ZNF804B: variants seen among roughly 807,000 people sequenced by gnomAD.
ZNF804B encodes the protein zinc finger protein 804B, also known as zinc finger 804B.
In ZNF804B, 80 loss-of-function variants were observed where a neutral mutation model predicts 101.4. The observed-to-expected ratio is 0.79, with a 90% CI of 0.66 to 0.95. The LOEUF (loss-of-function observed/expected upper bound fraction) is 0.95. ZNF804B is among the 40% of genes least tolerant of loss of function. ZNF804B has a pLI of 0.00. For synonymous variants in ZNF804B, 622 were observed against 558.8 expected, an observed-to-expected ratio of 1.11 and a Z score of -1.59; for missense variants, 1,673 against 1,561.9, an observed-to-expected ratio of 1.07 and a Z score of -1.20.
At chr7:89,036,655 T>C (rs533923324) in intron 1 of ZNF804B, among the ~76,000 whole-genome samples, 1 of 151,456 alleles carries the variant, frequency 6.6e-6, no homozygotes, top group Admixed American at 6.6e-5. Flanking sequence ...TAGAAAAGAG[T>C]TTTTCATGAC....
intron 1 of ZNF804B, among the ~76,000 whole-genome samples, chr7:88,967,956 G>C (rs574143230): frequency 6.6e-6 from 1 of 151,372 alleles, no homozygotes; most frequent in African/African-American, 2.4e-5. Context: ...AGCTGAGCAG[G>C]GTCTTTGGCT....
intron 1 of ZNF804B, among the ~76,000 whole-genome samples, chr7:88,970,392 G>C (rs546919371): frequency 3.5e-5 from 5 of 141,722 alleles, no homozygotes; most frequent in Non-Finnish European, 6.1e-5. Flanking sequence ...TTATAATTTT[G>C]TCTATGCCTC....
intron 1 of ZNF804B, among the ~76,000 whole-genome samples, chr7:89,099,224 A>C (rs922221854): frequency 5.9e-5 from 9 of 152,022 alleles, no homozygotes; most frequent in Non-Finnish European, 1.3e-4. Context: ...TACAGAGCTA[A>C]AACCTGTGGA....
chr7:89,144,548 G>C (rs1790763223), intron 1 of ZNF804B, among the ~76,000 whole-genome samples: 1 of 151,930 alleles, frequency 6.6e-6, no homozygotes, highest in South Asian at 2.1e-4. Context: ...GCGGGGAAGG[G>C]TGATGGACAA....
intron 1 of ZNF804B, among the ~76,000 whole-genome samples, chr7:88,833,242 T>C (rs577665055): frequency 4.9e-4 from 74 of 152,056 alleles, no homozygotes; most frequent in African/African-American, 1.6e-3. Context: ...GGTTTGTTTT[T>C]CTAACTAGTT....
intron 2 of ZNF804B, among the ~76,000 whole-genome samples, chr7:89,274,565 A>C (rs972243502): frequency 6.6e-6 from 1 of 151,250 alleles, no homozygotes; most frequent in African/African-American, 2.4e-5. Context: ...TTCATTCTTA[A>C]CTGGTGACAT....
At chr7:89,283,252 A>G (rs1246880535) in intron 2 of ZNF804B, among the ~76,000 whole-genome samples, 1 of 152,196 alleles carries the variant, frequency 6.6e-6, no homozygotes, top group Non-Finnish European at 1.5e-5. Context: ...AACTGACACT[A>G]CTGAAGGAAA....
chr7:89,004,878 T>C (rs1279334988), intron 1 of ZNF804B, among the ~76,000 whole-genome samples: 1 of 151,986 alleles, frequency 6.6e-6, no homozygotes, highest in Non-Finnish European at 1.5e-5. Context: ...GACATTTTTT[T>C]CTAGCCTTCT....
At chr7:89,152,297 A>T (rs1222311036) in intron 1 of ZNF804B, among the ~76,000 whole-genome samples, 1 of 150,456 alleles carries the variant, frequency 6.6e-6, no homozygotes, top group East Asian at 2.0e-4. Context: ...AAGAGGTATG[A>T]TTTAGTTTCC....
intron 1 of ZNF804B, among the ~76,000 whole-genome samples, chr7:89,179,084 A>G (rs1458791431): frequency 6.6e-6 from 1 of 152,036 alleles, no homozygotes; most frequent in Admixed American, 6.5e-5. Context: ...CACTTTTAGG[A>G]TTCTTTCTTT....
At chr7:89,079,795 G>A (rs1276054060) in intron 1 of ZNF804B, among the ~76,000 whole-genome samples, 1 of 151,954 alleles carries the variant, frequency 6.6e-6, no homozygotes, top group East Asian at 1.9e-4. Flanking sequence ...CAGGGGAAAA[G>A]CTTTCCAAAT....
Position 88,806,471 on chromosome 7 carries a change from G to C in ZNF804B, c.108+46387G>C, listed in dbSNP as rs559503246. ...GAGTTGCAAGTGTAAGTTAACTTTC[G>C]TATCTGGCATTTACTCTACCTTAAT... On this transcript the variant is annotated intron_variant, in intron 1 of 3. Transcript: ENST00000333190. Among the ~76,000 whole-genome samples the C allele has an allele frequency of 8.5e-5, 13 of 152,060 alleles. No individual in the cohort carries two copies. In the East Asian group the frequency reaches 1.9e-3, roughly 23 times the overall value.
At chr7:89,331,950 C>A (rs1310474313) in intron 3 of ZNF804B, among the ~76,000 whole-genome samples, 2 of 151,166 alleles carry the variant, frequency 1.3e-5, no homozygotes, top group East Asian at 3.9e-4. Context: ...AAAATTCACC[C>A]AAATTAATCA....
chr7:89,102,022 A>T (rs905293110), intron 1 of ZNF804B, among the ~76,000 whole-genome samples: 1 of 151,884 alleles, frequency 6.6e-6, no homozygotes, highest in African/African-American at 2.4e-5. Context: ...CCATTCATTT[A>T]TAGCTGTGTA....
chr7:89,244,458 C>T (rs535895349), intron 2 of ZNF804B, among the ~76,000 whole-genome samples: 1 of 151,914 alleles, frequency 6.6e-6, no homozygotes, highest in Admixed American at 6.6e-5. Flanking sequence ...TGCTAGATAA[C>T]CCTCTAAAGA....
chr7:89,291,307 T>C (rs1194781322), intron 2 of ZNF804B, among the ~76,000 whole-genome samples: 1 of 152,064 alleles, frequency 6.6e-6, no homozygotes, highest in Non-Finnish European at 1.5e-5. Flanking sequence ...ACCAATCATA[T>C]TGAAACAGTG....
intron 3 of ZNF804B, among the ~76,000 whole-genome samples, chr7:89,328,076 T>C (rs989632193): frequency 6.6e-6 from 1 of 152,018 alleles, no homozygotes; most frequent in East Asian, 1.9e-4. Context: ...ATTAAATTTG[T>C]GGATTGTGAT....
chr7:89,217,133 AC>A (rs1788908261), intron 1 of ZNF804B, among the ~76,000 whole-genome samples: 1 of 152,248 alleles, frequency 6.6e-6, no homozygotes, highest in Non-Finnish European at 1.5e-5. Flanking sequence ...GAATAAATAG[AC>A]ATGAAAACAG....
chr7:89,198,009 G>C (rs976056209), intron 1 of ZNF804B, among the ~76,000 whole-genome samples: 4 of 151,756 alleles, frequency 2.6e-5, no homozygotes, highest in Non-Finnish European at 5.9e-5. Context: ...GTAGAACACT[G>C]ACCTTAGAAT....
Sources: allele counts gnomAD v4.1 joint callset (sites outside exome capture counted in the v4.1 genomes callset), GRCh38; gene constraint gnomAD v4.1.1; transcripts MANE v1.5; gene names NCBI Gene and HGNC (gene_info 2026-07-23, HGNC 2026-07-21).